Variants in SIPA1L1 observed in about 807,000 individuals in gnomAD.
SIPA1L1 encodes signal-induced proliferation-associated 1-like protein 1.
A neutral mutation model predicts 162.7 loss-of-function variants in SIPA1L1; 26 were observed. The observed-to-expected ratio is 0.16, with a 90% confidence interval of 0.12 to 0.22. The LOEUF (loss-of-function observed/expected upper bound fraction) is 0.22, where lower values mean the gene tolerates loss of function less well. Ranked by LOEUF, SIPA1L1 falls within the 10% of genes least tolerant of loss-of-function variation. The pLI is 1.00. For synonymous variants in SIPA1L1, 829 were observed against 837.4 expected (o/e 0.99, Z 0.17); for missense variants, 1,874 against 2,241.0 (o/e 0.84, Z 3.31).
intron 2 of SIPA1L1, among the ~76,000 whole-genome samples, chr14:71,509,090 G>A (rs1240219138): frequency 6.6e-6 from 1 of 152,122 alleles, no homozygotes; most frequent in Non-Finnish European, 1.5e-5. Context: ...TTTATTTGAA[G>A]GTCCGTCCTC....
At chr14:71,478,994 C>T (rs1000774049) in intron 2 of SIPA1L1, among the ~76,000 whole-genome samples, 2 of 152,194 alleles carry the variant, frequency 1.3e-5, no homozygotes, top group South Asian at 2.1e-4. Context: ...AGTGTTTCCC[C>T]CATTTTCTCC....
chr14:71,648,146 C>G (rs1433144977), intron 7 of SIPA1L1, among the ~76,000 whole-genome samples: 2 of 152,186 alleles, frequency 1.3e-5, no homozygotes, highest in African/African-American at 4.8e-5. Flanking sequence ...AAAAATTAGC[C>G]AGGCCTGGTG....
intron 2 of SIPA1L1, among the ~76,000 whole-genome samples, chr14:71,424,496 A>G (rs1223579270): frequency 6.6e-6 from 1 of 152,098 alleles, no homozygotes; most frequent in African/African-American, 2.4e-5. Context: ...AGGGTGTTGA[A>G]TTTTAACAGA....
intron 2 of SIPA1L1, among the ~76,000 whole-genome samples, chr14:71,498,045 G>A (rs1337435837): frequency 6.6e-6 from 1 of 152,170 alleles, no homozygotes; most frequent in South Asian, 2.1e-4. Flanking sequence ...AGGTGTGAGT[G>A]GGATCTTCTT....
intron 2 of SIPA1L1, among the ~76,000 whole-genome samples, chr14:71,427,025 A>G (rs1244580278): frequency 6.6e-6 from 1 of 152,252 alleles, no homozygotes; most frequent in East Asian, 1.9e-4. Context: ...GAGAAAGTTT[A>G]GTCTCTTAAA....
intron 13 of SIPA1L1, among the ~76,000 whole-genome samples, chr14:71,696,907 C>G (rs570832416): frequency 6.6e-6 from 1 of 152,272 alleles, no homozygotes; most frequent in African/African-American, 2.4e-5. Flanking sequence ...AGGAAGAAGG[C>G]ATTCCAGGCA....
At chr14:71,717,045 G>A (rs1242302469) in intron 17 of SIPA1L1, among the ~76,000 whole-genome samples, 1 of 152,174 alleles carries the variant, frequency 6.6e-6, no homozygotes, top group Non-Finnish European at 1.5e-5. Flanking sequence ...GACTACAGGT[G>A]CATGCCTTCA....
chr14:71,446,735 T>G lies in SIPA1L1; in HGVS notation c.-464-66008T>G, dbSNP rs1328554885. On this transcript the variant is annotated intron_variant, in intron 2 of 23. Coordinates refer to ENST00000381232, the MANE Select transcript of SIPA1L1 (RefSeq NM_001386936.1). Reference sequence around the variant, plus strand: ...TAGGATAAGAATTATTAGGTCAGAGTGTCTGAATGACTTTTTCTGTTGCAG... The same window carrying G: ...TAGGATAAGAATTATTAGGTCAGAGGGTCTGAATGACTTTTTCTGTTGCAG... 3.3e-5 allele frequency among the ~76,000 whole-genome samples: 5 copies of G among 152,170 alleles called. No homozygotes were observed. In the East Asian group the frequency reaches 9.6e-4, roughly 29 times the overall value.
chr14:71,352,649 TA>T (rs1387266732), intron 2 of SIPA1L1, among the ~76,000 whole-genome samples: 1 of 152,238 alleles, frequency 6.6e-6, no homozygotes, highest in Non-Finnish European at 1.5e-5. Flanking sequence ...TGTCTCTAGC[TA>T]ATGAGTAGCC....
In SIPA1L1 at chr14:71,594,578, A is replaced by G. The variant is rs2035808544; in HGVS notation, c.1498+5208A>G. ...CAGTTTTAGATTTCAGATAAATGGT[A>G]AACTCCAAGGTCAATGAGTCTGTTC... On this transcript the variant is annotated intron_variant, in intron 5 of 23. Transcript: ENST00000381232. Among the ~76,000 whole-genome samples, 5 of 152,336 alleles carry G rather than the reference A, an allele frequency of 3.3e-5. No homozygotes were observed. In the South Asian group the frequency reaches 1.0e-3, roughly 32 times the overall value.
At chr14:71,705,889 T>C (rs1276241955) in intron 16 of SIPA1L1, among the ~76,000 whole-genome samples, 1 of 152,048 alleles carries the variant, frequency 6.6e-6, no homozygotes, top group Admixed American at 6.6e-5. Flanking sequence ...GAATATGAGG[T>C]TATCATTCTC....
intron 2 of SIPA1L1, among the ~76,000 whole-genome samples, chr14:71,341,960 G>A (rs1437348061): frequency 6.6e-6 from 1 of 152,004 alleles, no homozygotes; most frequent in East Asian, 1.9e-4. Context: ...AGTGTTGTGA[G>A]GAACGTGTGA....
intron 5 of SIPA1L1, among the ~76,000 whole-genome samples, chr14:71,601,927 G>T: frequency 6.6e-6 from 1 of 150,478 alleles, no homozygotes; most frequent in Non-Finnish European, 1.5e-5. Context: ...TTTCATTTCT[G>T]ATTTTATTTT....
rs112129340 is a variant in SIPA1L1 at position 71,587,944 on chromosome 14, C to T, written c.72C>T (p.Asp24=). ...ACAGGGCCTCTGTTGTTGGCACAGA[C>T]GGCACCCCCAAAGTCCACACTGATG... is the stretch of plus-strand genomic sequence containing the variant. ...ATDRASVVGT[D]GTPKVHTDDF... Residue 24 remains aspartate (D), a synonymous_variant, in exon 5 of 24, where the codon GAC becomes GAT. Transcript: ENST00000381232. 225 of 1,613,926 alleles carry T rather than the reference C, an allele frequency of 1.4e-4. No homozygotes were observed. The highest frequency in any genetic ancestry group is 3.0e-4 in the Admixed American group (18 of 60,000).
intron 2 of SIPA1L1, among the ~76,000 whole-genome samples, chr14:71,353,646 G>A (rs924518804): frequency 5.9e-5 from 9 of 152,280 alleles, no homozygotes; most frequent in Admixed American, 3.9e-4. Flanking sequence ...GGGGTGGTCT[G>A]AGGGAGTGAT....
At chr14:71,547,903 C>G (rs1215043524) in intron 4 of SIPA1L1, among the ~76,000 whole-genome samples, 1 of 152,126 alleles carries the variant, frequency 6.6e-6, no homozygotes, top group Admixed American at 6.5e-5. Context: ...ACCAGCTGAG[C>G]GCGGGTGGCA....
intron 2 of SIPA1L1, among the ~76,000 whole-genome samples, chr14:71,432,455 G>C (rs1435592178): frequency 6.6e-6 from 1 of 152,142 alleles, no homozygotes; most frequent in East Asian, 1.9e-4. Context: ...TAGAATGGGG[G>C]CCTAACAACC....
Position 71,698,977 on chromosome 14 carries a change from G to A in SIPA1L1, c.3375-4G>A, listed in dbSNP as rs375563025. 4 of 1,613,982 alleles carry A rather than the reference G, an allele frequency of 2.5e-6. No individual in the cohort carries two copies. In the African/African-American group the frequency reaches 4.0e-5, roughly 16 times the overall value. ...GACTTCATGTTTTTGTATTGCACAT[G>A]CAGGCTGTCTCCTGGTTCGGACATC... On this transcript the variant is annotated splice_region_variant and splice_polypyrimidine_tract_variant and intron_variant, in intron 13 of 23. Transcript: ENST00000381232.
chr14:71,696,141 A>C (rs117559079), intron 13 of SIPA1L1, among the ~76,000 whole-genome samples: 211 of 152,326 alleles, frequency 1.4e-3, no homozygotes, highest in Non-Finnish European at 2.5e-3. Flanking sequence ...CCACGCATAC[A>C]CTACTTTGAG....
Sources: gnomAD v4.1 joint callset for allele counts (sites outside exome capture counted in the v4.1 genomes callset) on GRCh38, gnomAD v4.1.1 for gene constraint, MANE v1.5 for transcripts, NCBI Gene and HGNC (gene_info 2026-07-23, HGNC 2026-07-21) for gene names.